UNC79: variants seen among roughly 807,000 people sequenced by gnomAD.
The protein encoded by UNC79 is protein unc-79 homolog.
A neutral mutation model predicts 283.1 loss-of-function variants in UNC79; 37 were observed. The ratio of observed to expected loss-of-function variants is 0.13; its 90% CI spans 0.10 to 0.17. UNC79 has a LOEUF of 0.17. Ranked by LOEUF, UNC79 falls within the 10% of genes least tolerant of loss-of-function variation. The pLI is 1.00. For synonymous variants in UNC79, 1,107 were observed against 1,200.2 expected, an observed-to-expected ratio of 0.92 and a Z score of 1.61; for missense variants, 2,272 against 3,211.1, an observed-to-expected ratio of 0.71 and a Z score of 7.07.
Position 93,664,752 on chromosome 14 carries a change from G to A in UNC79, c.6636+2038G>A, listed in dbSNP as rs116502017. ...AATTTATAATATCTGCATGCTCTTG[G>A]AACTCCCAAGTTGAAGAGTCAAATA... On this transcript the variant is annotated intron_variant, in intron 40 of 48. Coordinates refer to ENST00000555664, the Ensembl canonical transcript of UNC79. Among the ~76,000 whole-genome samples the A allele has an allele frequency of 3.0e-3, 450 of 152,196 alleles. 2 individuals are homozygous for A. Among genetic ancestry groups the A allele is most frequent in the African/African-American group, 0.01 (423 of 41,530 alleles).
At chr14:93,535,978 A>T (rs1173182383) in intron 11 of UNC79, among the ~76,000 whole-genome samples, 1 of 152,126 alleles carries the variant, frequency 6.6e-6, no homozygotes, top group Non-Finnish European at 1.5e-5. Flanking sequence ...CACTTGCAAA[A>T]TCCTGACTGG....
intron 11 of UNC79, among the ~76,000 whole-genome samples, chr14:93,533,811 C>T (rs754206167): frequency 6.6e-6 from 1 of 152,348 alleles, no homozygotes; most frequent in African/African-American, 2.4e-5. Context: ...CACATTTAAT[C>T]TACCACAATC....
intron 14 of UNC79, among the ~76,000 whole-genome samples, chr14:93,555,352 C>T (rs1257000821): frequency 2.0e-5 from 3 of 152,022 alleles, no homozygotes; most frequent in Non-Finnish European, 2.9e-5. Flanking sequence ...AGAAGCAGAT[C>T]TGGTAGAGTT....
chr14:93,602,994 C>G (rs557886273), intron 25 of UNC79, among the ~76,000 whole-genome samples: 1 of 152,230 alleles, frequency 6.6e-6, no homozygotes, highest in East Asian at 1.9e-4. Context: ...GGAGAAAAGA[C>G]TTTTGTCACT....
At chr14:93,684,232 T>G (rs2074070448) in intron 42 of UNC79, among the ~76,000 whole-genome samples, 1 of 152,186 alleles carries the variant, frequency 6.6e-6, no homozygotes, top group African/African-American at 2.4e-5. Context: ...ACCTCAATGA[T>G]TAGACTTATT....
intron 1 of UNC79, chr14:93,347,426 G>C: frequency 6.9e-7 from 1 of 1,457,298 alleles, no homozygotes; most frequent in Non-Finnish European, 9.0e-7. Context: ...ATGGTGGGCG[G>C]GAAGCGCGTG....
intron 35 of UNC79, among the ~76,000 whole-genome samples, chr14:93,650,352 A>G (rs2070114531): frequency 6.6e-6 from 1 of 152,052 alleles, no homozygotes; most frequent in Non-Finnish European, 1.5e-5. Context: ...GGGTTACAGG[A>G]TAGGTATATG....
chr14:93,439,951 G>C (rs2056233363), intron 1 of UNC79, among the ~76,000 whole-genome samples: 6 of 151,812 alleles, frequency 4.0e-5, no homozygotes. Flanking sequence ...TTTTCTGCTT[G>C]TCATTTCTAA....
chr14:93,473,505 G>A (rs552293905), intron 2 of UNC79, among the ~76,000 whole-genome samples: 1 of 152,226 alleles, frequency 6.6e-6, no homozygotes, highest in Admixed American at 6.5e-5. Flanking sequence ...GATACTGACA[G>A]AATGTCATGA....
chr14:93,449,103 C>T (rs191593389), intron 1 of UNC79, among the ~76,000 whole-genome samples: 90 of 152,270 alleles, frequency 5.9e-4, no homozygotes, highest in African/African-American at 2.0e-3. Context: ...TGTCCCCATC[C>T]TTTCATATTT....
At chr14:93,403,100 G>A (rs1472803670) in intron 1 of UNC79, among the ~76,000 whole-genome samples, 4 of 152,166 alleles carry the variant, frequency 2.6e-5, no homozygotes, top group Admixed American at 1.3e-4. Flanking sequence ...TTGAGTCTTT[G>A]GTCAGCCTTT....
At chr14:93,529,376 C>T in intron 10 of UNC79, 50 bp downstream of exon 10, 1 of 1,588,320 alleles carries the variant, frequency 6.3e-7, no homozygotes, top group South Asian at 1.1e-5. Flanking sequence ...TGACTAATGA[C>T]ATAGTTGCTT....
chr14:93,700,260 A>G (rs1022726865), intron 47 of UNC79, among the ~76,000 whole-genome samples: 1 of 151,900 alleles, frequency 6.6e-6, no homozygotes, highest in Admixed American at 6.6e-5. Context: ...AGTTTTCTTC[A>G]TATTTCTGGT....
chr14:93,605,443 CCT>C (rs2065813660), intron 26 of UNC79, among the ~76,000 whole-genome samples: 3 of 152,294 alleles, frequency 2.0e-5, no homozygotes, highest in Admixed American at 2.0e-4. Flanking sequence ...AGGAGAATTT[CCT>C]CTGTTTGGAG....
chr14:93,442,973 C>G (rs1371419564), intron 1 of UNC79, among the ~76,000 whole-genome samples: 1 of 152,124 alleles, frequency 6.6e-6, no homozygotes, highest in Non-Finnish European at 1.5e-5. Context: ...CCTGTAATCC[C>G]AGCACTTTAG....
At chr14:93,378,497 A>G (rs1726398605) in intron 1 of UNC79, among the ~76,000 whole-genome samples, 1 of 151,286 alleles carries the variant, frequency 6.6e-6, no homozygotes, top group African/African-American at 2.4e-5. Flanking sequence ...TTTTTTTCAG[A>G]TTTTGGAATA....
chr14:93,430,098 A>G (rs1437299042), upstream of UNC79, among the ~76,000 whole-genome samples: 3 of 152,076 alleles, frequency 2.0e-5, no homozygotes, highest in Non-Finnish European at 4.4e-5. The surrounding 1 kb of genome is among the most constrained non-coding windows in gnomAD (Gnocchi z 4.6). Flanking sequence ...TTTCCAGTCG[A>G]GGGGCTTCCT....
At chr14:93,671,030 C>T (rs1176675517) in intron 40 of UNC79, among the ~76,000 whole-genome samples, 1 of 152,122 alleles carries the variant, frequency 6.6e-6, no homozygotes, top group East Asian at 1.9e-4. Context: ...AAATTGAAAC[C>T]AATTCAACAT....
intron 5 of UNC79, among the ~76,000 whole-genome samples, chr14:93,489,606 A>G: frequency 6.6e-6 from 1 of 152,324 alleles, no homozygotes; most frequent in South Asian, 2.1e-4. Flanking sequence ...TAAGGTTTGA[A>G]AATTACCTTT....
Sources: gnomAD v4.1 joint callset for allele counts (sites outside exome capture counted in the v4.1 genomes callset) on GRCh38, gnomAD v4.1.1 for gene constraint, Gnocchi (gnomAD v3.1) non-coding constraint, MANE v1.5 for transcripts, NCBI Gene and HGNC (gene_info 2026-07-23, HGNC 2026-07-21) for gene names.